Variants in DCHS2 observed in about 807,000 individuals in gnomAD.
DCHS2 encodes protocadherin-23.
A neutral mutation model predicts 182.4 loss-of-function variants in DCHS2; 142 were observed. The ratio of observed to expected loss-of-function variants is 0.78; its 90% CI spans 0.68 to 0.89. The LOEUF (loss-of-function observed/expected upper bound fraction) is 0.89. Ranked by LOEUF, DCHS2 falls within the 40% of genes least tolerant of loss-of-function variation. DCHS2 has a pLI of 0.00. For missense variants in DCHS2, 4,319 were observed against 4,198.6 expected, an observed-to-expected ratio of 1.03 and a Z score of -0.79; for synonymous variants, 1,740 against 1,663.3, an observed-to-expected ratio of 1.05 and a Z score of -1.12.
In DCHS2 at chr4:154,262,205, C is replaced by T. The variant is rs571236841; in HGVS notation, c.6578-2449G>A. 3.9e-5 allele frequency: 6 copies of T among 152,232 alleles called. No homozygotes were observed. In the East Asian group the frequency reaches 1.2e-3, roughly 29 times the overall value. The allele number at this position is 152,232 out of a possible 1,614,324, so 9.4% of individuals were successfully genotyped here. A position where few individuals can be genotyped will look rare whatever the true frequency, so the allele number is the denominator to read the frequency against. On this transcript the variant is annotated intron_variant, in intron 14 of 19. Coordinates refer to ENST00000357232, the MANE Select transcript of DCHS2 (RefSeq NM_001358235.2). ...TTAGGCTTTGATAATTGGAATTTTGCACTTGGAATGGATCGACGGTTCTAA... is the reference window on the plus strand; with the variant it reads ...TTAGGCTTTGATAATTGGAATTTTGTACTTGGAATGGATCGACGGTTCTAA...
At chr4:154,415,320 T>C (rs551288463) in intron 1 of DCHS2, among the ~76,000 whole-genome samples, 1 of 152,362 alleles carries the variant, frequency 6.6e-6, no homozygotes, top group African/African-American at 2.4e-5. Flanking sequence ...TAATTGCATA[T>C]ACATTTAATT....
intron 12 of DCHS2, among the ~76,000 whole-genome samples, chr4:154,299,372 G>A (rs17031402): frequency 0.29 from 43,482 of 151,932 alleles, 7,081 homozygotes; most frequent in East Asian, 0.47. Flanking sequence ...ATATTCCATC[G>A]TATCAAGTAG....
intron 1 of DCHS2, among the ~76,000 whole-genome samples, chr4:154,378,230 G>T (rs35687519): frequency 0.34 from 52,395 of 151,926 alleles, 10,333 homozygotes; most frequent in Non-Finnish European, 0.46. Context: ...GTGAAATTAT[G>T]AAAGCACTTA....
intron 13 of DCHS2, among the ~76,000 whole-genome samples, chr4:154,291,629 A>AC (rs1463508029): frequency 2.0e-5 from 3 of 152,082 alleles, no homozygotes; most frequent in Non-Finnish European, 2.9e-5. Context: ...AAAGAATGAG[A>AC]CCCAGTCATC....
At chr4:154,330,411 C>A (rs1194188291) in intron 5 of DCHS2, among the ~76,000 whole-genome samples, 1 of 152,102 alleles carries the variant, frequency 6.6e-6, no homozygotes, top group Admixed American at 6.5e-5. Context: ...ATATTTCTGC[C>A]TAGAGCTATA....
Position 154,299,914 on chromosome 4 carries a change from AGTGCTAGCCAAGGG to A in DCHS2, c.5606-1220_5606-1207del, listed in dbSNP as rs1307443034. Among the ~76,000 whole-genome samples the A allele has an allele frequency of 3.0e-4, 45 of 152,342 alleles. 1 individual carries two copies. The South Asian group carries it at 3.1e-3, about 11-fold the overall frequency. ...GAGTGCTAAATGAGTACATATAGAT[AGTGCTAGCCAAGGG>A]GTGCTATTTCTCTGAGAAGTACAGA... On this transcript the variant is annotated intron_variant, in intron 12 of 19. Transcript: ENST00000357232.
chr4:154,319,910 A>C (rs1735992540), intron 9 of DCHS2, among the ~76,000 whole-genome samples: 1 of 152,190 alleles, frequency 6.6e-6, no homozygotes, highest in South Asian at 2.1e-4. Flanking sequence ...CACCATCCAC[A>C]ATAGCTAAGA....
chr4:154,341,691 G>T (rs2054959), intron 3 of DCHS2, among the ~76,000 whole-genome samples: 151,472 of 152,216 alleles, frequency 1, 75,367 homozygotes, highest in Middle Eastern at 1. Flanking sequence ...TATAAATATT[G>T]TGTGAACAAA....
At chr4:154,291,058 C>T (rs769518188) in intron 13 of DCHS2, among the ~76,000 whole-genome samples, 1 of 152,048 alleles carries the variant, frequency 6.6e-6, no homozygotes, top group Non-Finnish European at 1.5e-5. Flanking sequence ...GATTCATAAC[C>T]AGAATGTGTA....
chr4:154,362,888 T>C lies in DCHS2; in HGVS notation c.2476+3322A>G, dbSNP rs141217611. Among the ~76,000 whole-genome samples, 24 of 152,288 alleles carry C rather than the reference T, an allele frequency of 1.6e-4. No individual in the cohort carries two copies. In the East Asian group the frequency reaches 4.6e-3, roughly 29 times the overall value. Reference sequence around the variant, plus strand: ...AGCTAACTTTATTGTAAGAATACAGTATATAATACATAAAACACACAAAAG... The same window carrying C: ...AGCTAACTTTATTGTAAGAATACAGCATATAATACATAAAACACACAAAAG... On this transcript the variant is annotated intron_variant, in intron 3 of 19. Coordinates refer to ENST00000357232, the MANE Select transcript of DCHS2 (RefSeq NM_001358235.2).
chr4:154,456,408 G>A (rs1365728223), intron 1 of DCHS2, among the ~76,000 whole-genome samples: 1 of 152,176 alleles, frequency 6.6e-6, no homozygotes, highest in Non-Finnish European at 1.5e-5. Context: ...CCAGGAATCT[G>A]CAGTCCAACG....
At chr4:154,344,023 T>A (rs936869411) in intron 3 of DCHS2, among the ~76,000 whole-genome samples, 3 of 146,084 alleles carry the variant, frequency 2.1e-5, no homozygotes, top group Non-Finnish European at 4.5e-5. Context: ...TTGCTGTGTC[T>A]TGGGGATTAG....
At chr4:154,411,865 TA>T (rs1732648226) in intron 1 of DCHS2, among the ~76,000 whole-genome samples, 1 of 152,182 alleles carries the variant, frequency 6.6e-6, no homozygotes, top group African/African-American at 2.4e-5. Flanking sequence ...TTTATTTTTC[TA>T]AAAAAGCCTG....
At chr4:154,316,404 G>A (rs1000437233) in intron 9 of DCHS2, among the ~76,000 whole-genome samples, 4 of 152,138 alleles carry the variant, frequency 2.6e-5, no homozygotes, top group South Asian at 2.1e-4. Flanking sequence ...TCTTTAAGAC[G>A]GTTGATTTTT....
At position 154,320,825 on chromosome 4, in the gene DCHS2, A is replaced by G. The variant is rs1736031285; in HGVS notation, c.4574T>C (p.Ile1525Thr). 7.4e-6 allele frequency: 12 copies of G among 1,614,094 alleles called. No homozygotes were observed. The highest frequency in any genetic ancestry group is 9.3e-6 in the Non-Finnish European group (11 of 1,179,988). The change falls in exon 9 of 20, where the codon ATA becomes ACA. Residue 1525 changes from isoleucine to threonine, a missense_variant. Physicochemically the swap from Ile to Thr is moderately conservative, Grantham distance 89. Coordinates refer to ENST00000357232, the MANE Select transcript of DCHS2 (RefSeq NM_001358235.2). ...IVISVEENVP[I>T]GTLVYVFNAK... is the part of the protein sequence containing the mutation. ...ATTGAAGACATACACCAGGGTTCCTATGGGAACATTCTCCTCTACACTGAT... is the reference window on the plus strand; with the variant it reads ...ATTGAAGACATACACCAGGGTTCCTGTGGGAACATTCTCCTCTACACTGAT...
chr4:154,440,282 G>GTGTAC (rs1341954581), intron 1 of DCHS2, among the ~76,000 whole-genome samples: 34 of 152,204 alleles, frequency 2.2e-4, no homozygotes, highest in African/African-American at 7.7e-4. Flanking sequence ...TACTAAAAAA[G>GTGTAC]TGTACGATTG....
intron 3 of DCHS2, among the ~76,000 whole-genome samples, chr4:154,336,863 TTC>T (rs1281579281): frequency 2.6e-5 from 4 of 152,228 alleles, no homozygotes; most frequent in Non-Finnish European, 4.4e-5. Context: ...TCTCTCACAG[TTC>T]TTTCTCCTAA....
chr4:154,322,233 A>G (rs1736087501), intron 8 of DCHS2, 98 bp downstream of exon 8: 1 of 1,432,946 alleles, frequency 7.0e-7, no homozygotes, highest in Admixed American at 1.9e-5. Flanking sequence ...ACATATTCAT[A>G]TACATACATA....
intron 8 of DCHS2, among the ~76,000 whole-genome samples, chr4:154,321,983 T>C (rs1736076404): frequency 6.6e-6 from 1 of 152,152 alleles, no homozygotes; most frequent in Non-Finnish European, 1.5e-5. Context: ...TTTGTTTACA[T>C]ACAAGTGTCT....
Sources: gnomAD v4.1 joint callset for allele counts (sites outside exome capture counted in the v4.1 genomes callset) on GRCh38, gnomAD v4.1.1 for gene constraint, MANE v1.5 for transcripts, NCBI Gene and HGNC (gene_info 2026-07-23, HGNC 2026-07-21) for gene names.